EIF4E3: variants seen among roughly 807,000 people sequenced by gnomAD.
EIF4E3 encodes the protein eukaryotic translation initiation factor 4E type 3.
A neutral mutation model predicts 31.7 loss-of-function variants in EIF4E3; 26 were observed. The ratio of observed to expected loss-of-function variants is 0.82; its 90% CI spans 0.60 to 1.14. The LOEUF (loss-of-function observed/expected upper bound fraction) is 1.14, where lower values mean the gene tolerates loss of function less well. Among genes scored for constraint, EIF4E3 ranks in the 50% most tolerant of loss-of-function variants. The pLI is 0.00. For missense variants in EIF4E3, 304 were observed against 270.9 expected, an observed-to-expected ratio of 1.12 and a Z score of -0.86; for synonymous variants, 128 against 107.7, an observed-to-expected ratio of 1.19 and a Z score of -1.17.
intron 2 of EIF4E3, among the ~76,000 whole-genome samples, chr3:71,700,759 C>G (rs2049205028): frequency 6.6e-6 from 1 of 152,104 alleles, no homozygotes; most frequent in Admixed American, 6.5e-5. Flanking sequence ...CTCTCCCCTG[C>G]TAAAGGAAGA....
intron 1 of EIF4E3, among the ~76,000 whole-genome samples, chr3:71,722,102 G>A (rs551396661): frequency 2.1e-4 from 32 of 150,566 alleles, no homozygotes; most frequent in Middle Eastern, 3.4e-3. Flanking sequence ...TCGGGGGGGC[G>A]GGGGTGGGAG....
chr3:71,670,852 G>A (rs1038589099), downstream of EIF4E3, among the ~76,000 whole-genome samples: 1 of 152,150 alleles, frequency 6.6e-6, no homozygotes, highest in African/African-American at 2.4e-5. Flanking sequence ...CTATTCCTGT[G>A]ACTCAGATGA....
chr3:71,674,570 G>A (rs1000361277), downstream of EIF4E3, among the ~76,000 whole-genome samples: 2 of 152,162 alleles, frequency 1.3e-5, no homozygotes, highest in Non-Finnish European at 2.9e-5. Context: ...GTACAATAAG[G>A]TAGAAAGATC....
the EIF4E3 span, among the ~76,000 whole-genome samples, chr3:71,666,829 C>T: frequency 2.6e-5 from 4 of 152,078 alleles, no homozygotes; most frequent in African/African-American, 9.7e-5. Flanking sequence ...GTCCAGGCTA[C>T]CCAGAAGGCT....
upstream of EIF4E3, chr3:71,754,364 C>T (rs1436103425): frequency 7.5e-7 from 1 of 1,327,446 alleles, no homozygotes; most frequent in South Asian, 1.8e-5. The surrounding 1 kb of genome is among the most constrained non-coding windows in gnomAD (Gnocchi z 5.8). Context: ...CCGCGCTCTT[C>T]TGCTTCCACG....
In EIF4E3 at chr3:71,684,526, T is replaced by A; in HGVS notation, c.*156A>T. 3.4e-6 allele frequency: 2 copies of A among 584,154 alleles called. No individual in the cohort carries two copies. Among genetic ancestry groups the A allele is most frequent in the Non-Finnish European group, 5.7e-6 (2 of 352,540 alleles). The allele number at this position is 584,154 out of a possible 1,614,324, so 36.2% of individuals were successfully genotyped here. A position where few individuals can be genotyped will look rare whatever the true frequency, so the allele number is the denominator to read the frequency against. ...CCACACAATCTCCCCCCACCCCACCTGCCACTTTGAGTCCTAATTGCCCAT... is the reference window on the plus strand; with the variant it reads ...CCACACAATCTCCCCCCACCCCACCAGCCACTTTGAGTCCTAATTGCCCAT... On this transcript the variant is annotated 3_prime_UTR_variant, in exon 7 of 7. Transcript: ENST00000425534.
intron 4 of EIF4E3, among the ~76,000 whole-genome samples, chr3:71,694,649 G>T (rs938287733): frequency 5.3e-5 from 8 of 152,046 alleles, no homozygotes; most frequent in African/African-American, 1.9e-4. Context: ...AAAAGTTCTT[G>T]GTCCCATTTA....
chr3:71,663,772 C>T, the EIF4E3 span, among the ~76,000 whole-genome samples: 5 of 152,228 alleles, frequency 3.3e-5, no homozygotes, highest in African/African-American at 1.2e-4. Context: ...CCTTTGAACA[C>T]TTACTATGAC....
upstream of EIF4E3, among the ~76,000 whole-genome samples, chr3:71,727,099 A>G (rs192183148): frequency 1.9e-3 from 291 of 152,360 alleles, no homozygotes; most frequent in African/African-American, 6.7e-3. Context: ...TTCAGACTCC[A>G]GAGTCTAGAC....
At chr3:71,751,471 A>G (rs2049928640) in intron 1 of EIF4E3, among the ~76,000 whole-genome samples, 1 of 152,226 alleles carries the variant, frequency 6.6e-6, no homozygotes, top group South Asian at 2.1e-4. Flanking sequence ...CATTAGTATT[A>G]CCATAAAGCA....
intron 6 of EIF4E3, among the ~76,000 whole-genome samples, chr3:71,688,291 T>TA (rs2049019262): frequency 6.6e-6 from 1 of 152,202 alleles, no homozygotes. Flanking sequence ...GCCATGGCCC[T>TA]AAAAACTAGC....
chr3:71,707,493 G>A (rs995579580), intron 2 of EIF4E3, among the ~76,000 whole-genome samples: 5 of 152,132 alleles, frequency 3.3e-5, no homozygotes, highest in African/African-American at 9.7e-5. Context: ...CTACCTTAGC[G>A]AGTAGGCACT....
chr3:71,660,979 C>T, the EIF4E3 span, among the ~76,000 whole-genome samples: 1 of 152,074 alleles, frequency 6.6e-6, no homozygotes, highest in East Asian at 1.9e-4. Flanking sequence ...CATCCTTCCA[C>T]CAGCAGCCCA....
At chr3:71,746,600 G>A (rs894461839) in intron 1 of EIF4E3, among the ~76,000 whole-genome samples, 8 of 152,170 alleles carry the variant, frequency 5.3e-5, no homozygotes, top group African/African-American at 7.2e-5. Context: ...TACTTGCCAG[G>A]CTCCTATCCA....
At chr3:71,751,098 T>C (rs1472948309) in intron 1 of EIF4E3, among the ~76,000 whole-genome samples, 1 of 151,678 alleles carries the variant, frequency 6.6e-6, no homozygotes, top group Non-Finnish European at 1.5e-5. Context: ...CGGGGCATGG[T>C]GGTATAAGCC....
chr3:71,751,551 G>A (rs187395030), intron 1 of EIF4E3, among the ~76,000 whole-genome samples: 2 of 152,300 alleles, frequency 1.3e-5, no homozygotes, highest in African/African-American at 2.4e-5. Context: ...CAGCCCAAGC[G>A]CTAAGGGCCA....
intron 5 of EIF4E3, among the ~76,000 whole-genome samples, chr3:71,691,498 T>C (rs1325364790): frequency 6.6e-6 from 1 of 152,138 alleles, no homozygotes; most frequent in African/African-American, 2.4e-5. Flanking sequence ...CTTACGTAAA[T>C]ACTCAAAACC....
At chr3:71,736,094 C>A (rs1231711305) in intron 1 of EIF4E3, among the ~76,000 whole-genome samples, 3 of 152,142 alleles carry the variant, frequency 2.0e-5, no homozygotes, top group African/African-American at 7.2e-5. Flanking sequence ...CAAATTAAAA[C>A]AATGAGATAC....
the EIF4E3 span, among the ~76,000 whole-genome samples, chr3:71,666,814 C>A: frequency 6.6e-6 from 1 of 152,106 alleles, no homozygotes; most frequent in South Asian, 2.1e-4. Flanking sequence ...TGGCGCACAC[C>A]TGTAGTCCAG....
Sources: allele counts gnomAD v4.1 joint callset (sites outside exome capture counted in the v4.1 genomes callset), GRCh38; gene constraint gnomAD v4.1.1; non-coding constraint Gnocchi (gnomAD v3.1); transcripts MANE v1.5; gene names NCBI Gene and HGNC (gene_info 2026-07-23, HGNC 2026-07-21).